Variants in TMEM72 observed in about 807,000 individuals in gnomAD.
The protein encoded by TMEM72 is transmembrane protein 72, also known as kidney-specific secretory protein of 37 kDa.
TMEM72 carries 9 observed loss-of-function variants against 16.3 expected under a neutral mutation model. The observed-to-expected ratio is 0.55, with a 90% CI of 0.33 to 0.96. The LOEUF (loss-of-function observed/expected upper bound fraction) is 0.96, where lower values mean the gene tolerates loss of function less well. Ranked by LOEUF, TMEM72 falls within the 40% of genes least tolerant of loss-of-function variation. TMEM72 has a pLI of 0.03. For missense variants in TMEM72, 324 were observed against 337.8 expected, an observed-to-expected ratio of 0.96 and a Z score of 0.32; for synonymous variants, 160 against 146.5, an observed-to-expected ratio of 1.09 and a Z score of -0.66.
At chr10:44,925,250 CT>C (rs1367148079) in intron 1 of TMEM72, among the ~76,000 whole-genome samples, 3 of 152,232 alleles carry the variant, frequency 2.0e-5, no homozygotes, top group African/African-American at 7.2e-5. Flanking sequence ...CCTCTGACCG[CT>C]GACCCTCTGT....
chr10:44,919,174 A>T (rs1428873307), intron 1 of TMEM72, among the ~76,000 whole-genome samples: 1 of 152,218 alleles, frequency 6.6e-6, no homozygotes, highest in African/African-American at 2.4e-5. Flanking sequence ...CAACCTTAAG[A>T]GGTCATTACA....
chr10:44,912,962 GC>G (rs1459453564), intron 1 of TMEM72, among the ~76,000 whole-genome samples: 4 of 152,174 alleles, frequency 2.6e-5, no homozygotes, highest in Non-Finnish European at 5.9e-5. Context: ...CCAGCCCGGA[GC>G]CCTGGTCCTT....
Position 44,911,562 on chromosome 10 carries a change from T to C in TMEM72, c.50T>C (p.Leu17Pro). ...WTGLEYTCRLLGITTAAVLIG... is the reference protein window; with the variant it reads ...WTGLEYTCRLPGITTAAVLIG... ...GGGCTGGAATACACCTGCCGGCTCC[T>C]GGGCATCACCACTGCTGCAGGTAAG... The change falls in exon 1 of 5, where the codon CTG becomes CCG. Residue 17 changes from leucine (L) to proline (P), a missense_variant. Transcript: ENST00000389583. 1 of 1,551,246 alleles carries C rather than the reference T, an allele frequency of 6.4e-7. No homozygotes were observed.
Position 44,927,915 on chromosome 10 carries a change from C to T in TMEM72, c.71-6C>T, listed in dbSNP as rs1431721669. 2 of 1,613,964 alleles carry T rather than the reference C, an allele frequency of 1.2e-6. No homozygotes were observed. The highest frequency in any genetic ancestry group is 1.7e-6 in the Non-Finnish European group (2 of 1,179,980). On this transcript the variant is annotated splice_region_variant and splice_polypyrimidine_tract_variant and intron_variant, in intron 1 of 4. Transcript: ENST00000389583. ...GCCCACTCTTCCTTCTTCTCTTGCC[C>T]CTTAGTGTTGATCGGCGTGGGCACT...
In TMEM72 at chr10:44,933,683, T is replaced by A; in HGVS notation, c.256T>A (p.Trp86Arg). 1.2e-6 allele frequency: 2 copies of A among 1,614,106 alleles called. No homozygotes were observed. The highest frequency in any genetic ancestry group is 2.2e-5 in the South Asian group (2 of 91,082). Residue 86 changes from tryptophan (W) to arginine (R), a missense_variant, in exon 4 of 5, where the codon TGG becomes AGG. By Grantham distance (101) the Trp-to-Arg change is moderately radical. Transcript: ENST00000389583. The stretch of plus-strand genomic sequence containing the variant: ...AGACAGAGTAAGGGAGAAAGCCCAC[T>A]GGCTGGGCTGCTTCCAGAAGTTCCT... Reference protein sequence around the residue: ...LADRVREKAHWLGCFQKFLAY... With the variant: ...LADRVREKAHRLGCFQKFLAY...
At chr10:44,914,553 G>A (rs1315814158) in intron 1 of TMEM72, among the ~76,000 whole-genome samples, 3 of 152,196 alleles carry the variant, frequency 2.0e-5, no homozygotes, top group Admixed American at 6.5e-5. Flanking sequence ...CACACAGGCT[G>A]TGAGCACTCC....
intron 3 of TMEM72, 102 bp from the exon 4 acceptor site, chr10:44,933,535 C>A: frequency 6.8e-7 from 1 of 1,473,156 alleles, no homozygotes; most frequent in Non-Finnish European, 9.2e-7. Context: ...GGGCCCACTG[C>A]AGAGCATGCC....
chr10:44,934,179 G>A (rs1406184313), intron 4 of TMEM72, among the ~76,000 whole-genome samples: 2 of 151,770 alleles, frequency 1.3e-5, no homozygotes, highest in Admixed American at 1.3e-4. Flanking sequence ...GCACTTCAGG[G>A]TGGGACCCCA....
At chr10:44,919,244 A>C (rs1478637107) in intron 1 of TMEM72, among the ~76,000 whole-genome samples, 1 of 152,238 alleles carries the variant, frequency 6.6e-6, no homozygotes, top group Non-Finnish European at 1.5e-5. Context: ...ATTAGGAACA[A>C]GGCAAGGGTG....
intron 1 of TMEM72, among the ~76,000 whole-genome samples, chr10:44,927,202 G>T (rs1180617799): frequency 6.6e-6 from 1 of 152,202 alleles, no homozygotes; most frequent in Non-Finnish European, 1.5e-5. Context: ...TTCTATTGGG[G>T]ACTCCAAAGG....
In TMEM72 at chr10:44,926,169, TCA is replaced by T. The variant is rs539238949; in HGVS notation, c.71-1746_71-1745del. 1.5e-3 allele frequency among the ~76,000 whole-genome samples: 220 copies of T among 150,734 alleles called. 1 individual carries two copies. Among genetic ancestry groups the T allele is most frequent in the African/African-American group, 5.0e-3 (205 of 41,002 alleles). On this transcript the variant is annotated intron_variant, in intron 1 of 4. Coordinates refer to ENST00000389583, the MANE Select transcript of TMEM72 (RefSeq NM_001123376.3). Reference sequence around the variant, plus strand: ...TATATACTCACATATACACATACACTCACACACTCACACATGTACACACACAC... The same window carrying T: ...TATATACTCACATATACACATACACTCACACTCACACATGTACACACACAC...
intron 1 of TMEM72, among the ~76,000 whole-genome samples, chr10:44,914,284 A>C (rs1327859212): frequency 6.6e-6 from 1 of 152,202 alleles, no homozygotes; most frequent in African/African-American, 2.4e-5. Context: ...AGGTAGTTGC[A>C]CCTGGGTGGA....
In TMEM72 at chr10:44,934,933, C is replaced by T; in HGVS notation, c.627C>T (p.Ser209=). Residue 209 remains serine, a synonymous_variant, in exon 5 of 5, where the codon AGC becomes AGT. Transcript: ENST00000389583. The stretch of plus-strand genomic sequence containing the variant: ...CCCCCAACACCCTGATGGAGCTGAG[C>T]CTGGAGCCAGCCGACTCCCTGGCCA... ...LQPPNTLMEL[S]LEPADSLAKK... 6.2e-7 allele frequency: 1 copy of T among 1,613,764 alleles called. No individual in the cohort carries two copies. The highest frequency in any genetic ancestry group is 8.5e-7 in the Non-Finnish European group (1 of 1,179,920).
intron 4 of TMEM72, among the ~76,000 whole-genome samples, chr10:44,934,262 G>C (rs1771078157): frequency 6.6e-6 from 1 of 152,314 alleles, no homozygotes; most frequent in East Asian, 1.9e-4. Context: ...TTTCTGGTCA[G>C]AGAACCCAGG....
intron 1 of TMEM72, among the ~76,000 whole-genome samples, chr10:44,918,201 C>T (rs1341941905): frequency 2.0e-5 from 3 of 152,158 alleles, no homozygotes; most frequent in Non-Finnish European, 2.9e-5. Flanking sequence ...CTGCTGGTCC[C>T]TCCCACAACA....
chr10:44,919,531 T>A (rs1425130767), intron 1 of TMEM72, among the ~76,000 whole-genome samples: 1 of 152,136 alleles, frequency 6.6e-6, no homozygotes, highest in Non-Finnish European at 1.5e-5. Context: ...AAAATACAAA[T>A]TATAATAGCA....
At position 44,932,132 on chromosome 10, in the gene TMEM72, C is replaced by T. The variant is rs573568118; in HGVS notation, c.209+63C>T. 18 of 1,538,134 alleles carry T rather than the reference C, an allele frequency of 1.2e-5. No individual in the cohort carries two copies. The African/African-American group carries it at 2.4e-4, about 21-fold the overall frequency. On this transcript the variant is annotated intron_variant, in intron 3 of 4. Transcript: ENST00000389583. Reference sequence around the variant, plus strand: ...CCAGCCCCAGACACCACAGATGTCTCCACCCAAGAGCCCACAACCAGGGGA... The same window carrying T: ...CCAGCCCCAGACACCACAGATGTCTTCACCCAAGAGCCCACAACCAGGGGA...
At position 44,912,574 on chromosome 10, in the gene TMEM72, G is replaced by A. The variant is rs1217759716; in HGVS notation, c.70+992G>A. On this transcript the variant is annotated intron_variant, in intron 1 of 4. Transcript: ENST00000389583. ...TTCCTGCCCCAGCCTAGTCACTTGC[G>A]TGATATATGACCTTGGGGAGCCCCT... Among the ~76,000 whole-genome samples the A allele has an allele frequency of 3.3e-5, 5 of 152,202 alleles. No individual in the cohort carries two copies. In the East Asian group the frequency reaches 5.8e-4, roughly 18 times the overall value.
chr10:44,921,822 TAC>T (rs1840103631), intron 1 of TMEM72, among the ~76,000 whole-genome samples: 1 of 152,202 alleles, frequency 6.6e-6, no homozygotes, highest in Non-Finnish European at 1.5e-5. Context: ...GGGCCAGAGC[TAC>T]CACTCTCAGG....
Sources: allele counts gnomAD v4.1 joint callset (sites outside exome capture counted in the v4.1 genomes callset), GRCh38; gene constraint gnomAD v4.1.1; transcripts MANE v1.5; gene names NCBI Gene and HGNC (gene_info 2026-07-23, HGNC 2026-07-21).